PDCD6IP: variants seen among roughly 807,000 people sequenced by gnomAD.
PDCD6IP encodes the protein programmed cell death 6 interacting protein, also known as programmed cell death 6-interacting protein.
Under a neutral mutation model 103.7 loss-of-function variants are expected in PDCD6IP, and 43 were observed. The ratio of observed to expected loss-of-function variants is 0.41; its 90% CI spans 0.32 to 0.53. The LOEUF (loss-of-function observed/expected upper bound fraction) is 0.53, where lower values mean the gene tolerates loss of function less well. Ranked by LOEUF, PDCD6IP falls within the 20% of genes least tolerant of loss-of-function variation. The pLI is 0.16. For missense variants in PDCD6IP, 871 were observed against 1,036.7 expected, an observed-to-expected ratio of 0.84 and a Z score of 2.20; for synonymous variants, 354 against 378.7, an observed-to-expected ratio of 0.93 and a Z score of 0.76.
intron 10 of PDCD6IP, 145 bp from the exon 11 acceptor site, chr3:33,843,967 G>C: frequency 2.0e-6 from 1 of 498,916 alleles, no homozygotes; most frequent in Non-Finnish European, 3.6e-6. Context: ...TTAGATGTCT[G>C]CAAGAAAAAA....
chr3:33,837,184 T>C (rs1327099029), intron 8 of PDCD6IP, among the ~76,000 whole-genome samples: 2 of 152,184 alleles, frequency 1.3e-5, no homozygotes, highest in East Asian at 3.9e-4. Context: ...CCTCCCAAAG[T>C]GCTTGGATTA....
At chr3:33,828,748 G>A (rs1697183653) in intron 6 of PDCD6IP, 105 bp from the exon 7 acceptor site, 1 of 1,206,154 alleles carries the variant, frequency 8.3e-7, no homozygotes, top group East Asian at 2.4e-5. Context: ...CATTAATGGG[G>A]TGATTCTAAT....
intron 3 of PDCD6IP, among the ~76,000 whole-genome samples, chr3:33,814,335 A>C (rs1317751136): frequency 6.6e-6 from 1 of 151,820 alleles, no homozygotes; most frequent in Non-Finnish European, 1.5e-5. Context: ...GGGTTTCACC[A>C]TGTTGGCCAG....
chr3:33,861,714 C>G (rs111665803), intron 15 of PDCD6IP, among the ~76,000 whole-genome samples: 7 of 152,308 alleles, frequency 4.6e-5, no homozygotes, highest in African/African-American at 1.7e-4. Flanking sequence ...TTGCCCTTAG[C>G]TATTCTGCTG....
intron 15 of PDCD6IP, among the ~76,000 whole-genome samples, chr3:33,858,425 G>A (rs566565876): frequency 2.0e-5 from 3 of 152,302 alleles, no homozygotes; most frequent in Admixed American, 6.5e-5. Flanking sequence ...GTTCTAGGTT[G>A]TAGTGCGCTA....
At chr3:33,804,544 T>C (rs571350760) in intron 1 of PDCD6IP, among the ~76,000 whole-genome samples, 1 of 152,386 alleles carries the variant, frequency 6.6e-6, no homozygotes, top group South Asian at 2.1e-4. Context: ...CTCCGTAATT[T>C]TATTCCACAT....
In PDCD6IP at chr3:33,855,321, A is replaced by C; in HGVS notation, c.2120+61A>C. 2.8e-6 allele frequency: 3 copies of C among 1,057,644 alleles called. No homozygotes were observed. The East Asian group carries it at 7.2e-5, about 25-fold the overall frequency. The allele number at this position is 1,057,644 out of a possible 1,614,324, so 65.5% of individuals were successfully genotyped here. On this transcript the variant is annotated intron_variant, in intron 15 of 17. Coordinates refer to ENST00000307296, the MANE Select transcript of PDCD6IP (RefSeq NM_013374.6). ...AATTTTCTTTTAAAAAATCATGTAG[A>C]GACTTTTGGTATGAACTTGGTAGTA...
intron 1 of PDCD6IP, among the ~76,000 whole-genome samples, chr3:33,803,151 G>A (rs1235271455): frequency 6.6e-6 from 1 of 151,986 alleles, no homozygotes; most frequent in African/African-American, 2.4e-5. Flanking sequence ...AGTGGGTTTT[G>A]GCGGGGAGCA....
Position 33,865,391 on chromosome 3 carries a change from C to T in PDCD6IP, c.2393C>T (p.Ala798Val), listed in dbSNP as rs199655517. The part of the protein sequence containing the change: ...QTPGSAPPPQ[A>V]QGPPYPTYPG... ...CCTGGCTCAGCTCCTCCTCCACAGG[C>T]GCAGGGACCACCCTATCCCACCTAT... Residue 798 changes from alanine (A) to valine (V), a missense_variant, in exon 17 of 18, where the codon GCG (alanine) becomes GTG (valine). Ala to Val is a moderately conservative substitution (Grantham distance 64). This residue lies in a region of PDCD6IP where 202 missense variants were observed against 205.2 expected (regional missense o/e 0.98). Transcript: ENST00000307296. The T allele has an allele frequency of 2.0e-5, 32 of 1,599,896 alleles. No homozygotes were observed. Among genetic ancestry groups the T allele is most frequent in the Admixed American group, 3.5e-5 (2 of 57,928 alleles).
intron 14 of PDCD6IP, 32 bp downstream of exon 14, chr3:33,854,045 A>C (rs377546966): frequency 5.8e-5 from 90 of 1,549,898 alleles, no homozygotes; most frequent in Middle Eastern, 1.7e-4. Flanking sequence ...AACCATAGCT[A>C]GCAAGTACAG....
In PDCD6IP at chr3:33,868,709, A is replaced by G. The variant is rs1443079518; in HGVS notation, c.*2184A>G. On this transcript the variant is annotated 3_prime_UTR_variant, in exon 18 of 18. Transcript: ENST00000307296. ...CTACTCTGTGATTCAGGTGTGTTGT[A>G]CCCATATTTATAATTAGGCTTTATT... The G allele has an allele frequency of 6.6e-6, 1 of 152,156 alleles. No individual in the cohort carries two copies. The highest frequency in any genetic ancestry group is 2.4e-5 in the African/African-American group (1 of 41,432). 9.4% of individuals were successfully genotyped at this position (152,156 alleles called of 1,614,324 possible).
At chr3:33,853,785 A>G (rs1575941286) in intron 13 of PDCD6IP, 94 bp from the exon 14 acceptor site, 4 of 1,079,820 alleles carry the variant, frequency 3.7e-6, no homozygotes, top group African/African-American at 1.7e-5. Context: ...TTAATTACAT[A>G]TGATTTTCAT....
chr3:33,817,908 GA>G (rs893301320), intron 3 of PDCD6IP, among the ~76,000 whole-genome samples: 71 of 151,424 alleles, frequency 4.7e-4, no homozygotes, highest in Admixed American at 1.2e-3. Context: ...AAAAATAAAG[GA>G]AAAAAAGATA....
At position 33,845,353 on chromosome 3, in the gene PDCD6IP, T is replaced by C. The variant is rs1351254855; in HGVS notation, c.1472-66T>C. ...AAGTTGGAGACTAGAACTCAACATA[T>C]AACCAGCCGATAAACGTTGCTGTTA... On this transcript the variant is annotated intron_variant, in intron 11 of 17. Coordinates refer to ENST00000307296, the MANE Select transcript of PDCD6IP (RefSeq NM_013374.6). 7.2e-6 allele frequency: 9 copies of C among 1,257,468 alleles called. No homozygotes were observed. In the African/African-American group the frequency reaches 1.0e-4, roughly 15 times the overall value. The allele number at this position is 1,257,468 out of a possible 1,614,324, so 77.9% of individuals were successfully genotyped here.
chr3:33,861,758 T>C (rs1697961137), intron 15 of PDCD6IP, among the ~76,000 whole-genome samples: 1 of 152,246 alleles, frequency 6.6e-6, no homozygotes, highest in African/African-American at 2.4e-5. Flanking sequence ...ATGATTTTAA[T>C]TTTTCATTTT....
intron 8 of PDCD6IP, 33 bp downstream of exon 8, chr3:33,836,299 A>C: frequency 4.5e-4 from 543 of 1,204,482 alleles, no homozygotes; most frequent in Non-Finnish European, 6.1e-4. Context: ...CTTTAATCTC[A>C]TTTTTCTCTA....
Position 33,825,221 on chromosome 3 carries a change from C to G in PDCD6IP, c.497C>G (p.Thr166Arg), listed in dbSNP as rs202035864. 8.0e-5 allele frequency: 129 copies of G among 1,612,120 alleles called. 1 individual carries two copies. Reference protein sequence around the residue: ...ASGAFLHIKETVLSALSREPT... With the variant: ...ASGAFLHIKERVLSALSREPT... ...GGTGCCTTTTTACATATTAAAGAGACGGTTTTATCTGCCTTAAGTCGAGAG... is the reference window on the plus strand; with the variant it reads ...GGTGCCTTTTTACATATTAAAGAGAGGGTTTTATCTGCCTTAAGTCGAGAG... Residue 166 changes from threonine to arginine, a missense_variant, in exon 5 of 18, where the codon ACG becomes AGG. By Grantham distance (71) the Thr-to-Arg change is moderately conservative (BLOSUM62 -1). Coordinates refer to ENST00000307296, the MANE Select transcript of PDCD6IP (RefSeq NM_013374.6).
chr3:33,812,891 G>A (rs1377294563), intron 2 of PDCD6IP, among the ~76,000 whole-genome samples: 1 of 152,014 alleles, frequency 6.6e-6, no homozygotes, highest in Admixed American at 6.6e-5. Context: ...TTTTCTGTAT[G>A]TTTGAAAATT....
At chr3:33,850,148 G>A (rs1174624449) in intron 12 of PDCD6IP, among the ~76,000 whole-genome samples, 2 of 152,088 alleles carry the variant, frequency 1.3e-5, no homozygotes, top group Non-Finnish European at 2.9e-5. Context: ...CCTGAAATAG[G>A]TACTATTATG....
Sources: allele counts gnomAD v4.1 joint callset (sites outside exome capture counted in the v4.1 genomes callset), GRCh38; gene constraint gnomAD v4.1.1; regional missense constraint gnomAD v4.1.1; transcripts MANE v1.5; gene names NCBI Gene and HGNC (gene_info 2026-07-23, HGNC 2026-07-21).